The following CFHR2 variants were observed in gnomAD, a reference collection of about 807,000 sequenced individuals.
CFHR2 encodes the protein complement factor H-related protein 2.
In CFHR2, 22 loss-of-function variants were observed where a neutral mutation model predicts 21.7. The ratio of observed to expected loss-of-function variants is 1.01; its 90% CI spans 0.72 to 1.45. CFHR2 has a LOEUF of 1.45. CFHR2 is among the 40% of genes most tolerant of loss of function. The pLI, the probability that CFHR2 is intolerant of heterozygous loss-of-function variation, is 0.00. For synonymous variants in CFHR2, 98 were observed against 97.4 expected (o/e 1.01, Z -0.04); for missense variants, 294 against 293.3 (o/e 1.00, Z -0.02).
chr1:196,946,734 A>G (rs1659507235), intron 1 of CFHR2, among the ~76,000 whole-genome samples: 1 of 152,362 alleles, frequency 6.6e-6, no homozygotes, highest in East Asian at 1.9e-4. Flanking sequence ...TTTCTTCTGG[A>G]ATAGTTCCTG....
intron 3 of CFHR2, among the ~76,000 whole-genome samples, 163 bp downstream of exon 3, chr1:196,951,191 T>C (rs1411297829): frequency 6.6e-6 from 1 of 152,228 alleles, no homozygotes; most frequent in Non-Finnish European, 1.5e-5. Flanking sequence ...GGATGTGCAA[T>C]AATATAGTTT....
intron 3 of CFHR2, 92 bp downstream of exon 3, chr1:196,951,120 AGG>A (rs2125008494): frequency 7.1e-7 from 1 of 1,411,574 alleles, no homozygotes; most frequent in African/African-American, 1.4e-5. Flanking sequence ...GGTTAAATAT[AGG>A]TTTTGCCACA....
At chr1:196,953,904 A>C (rs78590242) in intron 3 of CFHR2, among the ~76,000 whole-genome samples, 3,565 of 152,232 alleles carry the variant, frequency 0.023, 126 homozygotes, top group African/African-American at 0.079. Flanking sequence ...AGTTTACATA[A>C]GAATTAATAT....
chr1:196,948,567 C>T (rs995955177), intron 1 of CFHR2, among the ~76,000 whole-genome samples: 31 of 152,160 alleles, frequency 2.0e-4, no homozygotes, highest in African/African-American at 7.5e-4. Context: ...TGAGCTACCA[C>T]ACCCAACCCT....
At chr1:196,946,917 A>G (rs1177458188) in intron 1 of CFHR2, among the ~76,000 whole-genome samples, 1 of 152,152 alleles carries the variant, frequency 6.6e-6, no homozygotes, top group East Asian at 1.9e-4. Flanking sequence ...TGTGTGGCAT[A>G]TTTTTATGTG....
chr1:196,950,490 T>C (rs1044365105), intron 2 of CFHR2, among the ~76,000 whole-genome samples: 1 of 152,104 alleles, frequency 6.6e-6, no homozygotes, highest in African/African-American at 2.4e-5. Context: ...TGTTTTGTTT[T>C]TGAGACAGAG....
At chr1:196,950,454 T>TTTTG (rs754559748) in intron 2 of CFHR2, among the ~76,000 whole-genome samples, 1 of 151,950 alleles carries the variant, frequency 6.6e-6, no homozygotes, top group Non-Finnish European at 1.5e-5. Flanking sequence ...CTTTTTGGTT[T>TTTTG]TTTGTTTGTT....
At chr1:196,953,553 C>T (rs766155310) in intron 3 of CFHR2, among the ~76,000 whole-genome samples, 6 of 152,162 alleles carry the variant, frequency 3.9e-5, no homozygotes, top group South Asian at 4.2e-4. Context: ...AAAGTGCTGA[C>T]GTAACAGTCA....
chr1:196,956,570 G>T (rs1202386311), intron 3 of CFHR2, among the ~76,000 whole-genome samples: 1 of 152,074 alleles, frequency 6.6e-6, no homozygotes, highest in African/African-American at 2.4e-5. Context: ...TTTTCAGACT[G>T]GGTAATTAAT....
At chr1:196,946,876 A>G (rs1252118654) in intron 1 of CFHR2, among the ~76,000 whole-genome samples, 2 of 152,254 alleles carry the variant, frequency 1.3e-5, no homozygotes, top group Admixed American at 1.3e-4. Context: ...CTATATTGTC[A>G]TCATCAAGTA....
intron 3 of CFHR2, among the ~76,000 whole-genome samples, chr1:196,955,130 A>G (rs1265818542): frequency 1.3e-5 from 2 of 152,168 alleles, no homozygotes; most frequent in African/African-American, 4.8e-5. Context: ...TGCTGCTTAG[A>G]AATTTCCTAC....
intron 3 of CFHR2, among the ~76,000 whole-genome samples, chr1:196,953,475 G>T (rs752215764): frequency 1.3e-5 from 2 of 152,004 alleles, no homozygotes; most frequent in African/African-American, 2.4e-5. Context: ...TAGAGCCAGG[G>T]TTTCACCAAA....
chr1:196,948,101 T>A (rs1055450044), intron 1 of CFHR2, among the ~76,000 whole-genome samples: 1 of 152,164 alleles, frequency 6.6e-6, no homozygotes, highest in Admixed American at 6.6e-5. Flanking sequence ...ATCGTGTATA[T>A]GGATGTATAT....
chr1:196,946,608 G>A (rs1279955172), intron 1 of CFHR2, among the ~76,000 whole-genome samples: 1 of 152,078 alleles, frequency 6.6e-6, no homozygotes, highest in African/African-American at 2.4e-5. Context: ...ATTAACCTCA[G>A]CCTACAAAGG....
rs560591197 is a variant in CFHR2, at chr1:196,955,715, G to A, written c.431-2176G>A. ...ATATAAAAATTAGCTGGGCATGGTGGTGACTCCTGTAATCTCGGCTATTTG... is the reference window on the plus strand; with the variant it reads ...ATATAAAAATTAGCTGGGCATGGTGATGACTCCTGTAATCTCGGCTATTTG... On this transcript the variant is annotated intron_variant, in intron 3 of 4. Transcript: ENST00000367415. 3.3e-4 allele frequency among the ~76,000 whole-genome samples: 41 copies of A among 125,462 alleles called. 1 individual carries two copies. Among genetic ancestry groups the A allele is most frequent in the Middle Eastern group, 4.5e-3 (1 of 224 alleles). 82.3% of individuals were successfully genotyped at this position (125,462 alleles called of 152,430 possible). A position where few individuals can be genotyped will look rare whatever the true frequency, so the allele number is the denominator to read the frequency against.
intron 1 of CFHR2, among the ~76,000 whole-genome samples, chr1:196,946,258 T>G (rs1659480260): frequency 6.6e-6 from 1 of 152,246 alleles, no homozygotes; most frequent in Non-Finnish European, 1.5e-5. Context: ...TTATTTTATT[T>G]ATTTATTTAC....
At chr1:196,949,004 C>A (rs976009406) in intron 1 of CFHR2, among the ~76,000 whole-genome samples, 1 of 151,810 alleles carries the variant, frequency 6.6e-6, no homozygotes, top group Non-Finnish European at 1.5e-5. Context: ...CTTTTCTGCA[C>A]CAGAAAAAAA....
At chr1:196,948,456 A>G (rs765503608) in intron 1 of CFHR2, among the ~76,000 whole-genome samples, 17 of 151,912 alleles carry the variant, frequency 1.1e-4, no homozygotes, top group African/African-American at 9.7e-5. Flanking sequence ...TTGTATTTTT[A>G]GTAGAGATGG....
chr1:196,956,470 T>G (rs1182163023), intron 3 of CFHR2, among the ~76,000 whole-genome samples: 2 of 152,228 alleles, frequency 1.3e-5, no homozygotes, highest in African/African-American at 4.8e-5. Context: ...ACTTTTTCTC[T>G]TCTCTTTCTG....
Sources: gnomAD v4.1 joint callset for allele counts (sites outside exome capture counted in the v4.1 genomes callset) on GRCh38, gnomAD v4.1.1 for gene constraint, MANE v1.5 for transcripts, NCBI Gene and HGNC (gene_info 2026-07-23, HGNC 2026-07-21) for gene names.